The following SUSD4 variants were observed in gnomAD, a reference collection of about 807,000 sequenced individuals.
The protein encoded by SUSD4 is sushi domain containing 4.
Under a neutral mutation model 50.5 loss-of-function variants are expected in SUSD4, and 41 were observed. The observed-to-expected ratio is 0.81, with a 90% CI of 0.63 to 1.05. The LOEUF is 1.05. SUSD4 is among the 50% of genes least tolerant of loss of function. The pLI, the probability that SUSD4 is intolerant of heterozygous loss-of-function variation, is 0.00. For missense variants in SUSD4, 580 were observed against 634.7 expected (o/e 0.91, Z 0.93); for synonymous variants, 257 against 257.3 (o/e 1.00, Z 0.01).
rs1043722659 is a variant in SUSD4, at chr1:223,364,052, C to T, written c.-36+5G>A. On this transcript the variant is annotated splice_donor_5th_base_variant and intron_variant, in intron 1 of 8. Coordinates refer to ENST00000366878, the MANE Select transcript of SUSD4 (RefSeq NM_017982.4). This position sits in a 1 kb window ranked among gnomAD's most constrained non-coding sequence, Gnocchi z 4.5. ...GGAAGACCCTTCCGGGACTGTCGGTCTTACCTGTGGGTCTCATGCATGCAG... is the reference window on the plus strand; with the variant it reads ...GGAAGACCCTTCCGGGACTGTCGGTTTTACCTGTGGGTCTCATGCATGCAG... The T allele has an allele frequency of 3.3e-5, 5 of 152,522 alleles. No individual in the cohort carries two copies. The highest frequency in any genetic ancestry group is 2.0e-4 in the Admixed American group (3 of 15,266). 9.4% of individuals were successfully genotyped at this position (152,522 alleles called of 1,614,324 possible). A position where few individuals can be genotyped will look rare whatever the true frequency, so the allele number is the denominator to read the frequency against.
chr1:223,292,065 T>C (rs1401661562), intron 3 of SUSD4, among the ~76,000 whole-genome samples: 4 of 152,204 alleles, frequency 2.6e-5, no homozygotes, highest in Non-Finnish European at 5.9e-5. Context: ...ACATCTTCTG[T>C]AGGACTAAAT....
chr1:223,227,012 T>C lies in SUSD4; in HGVS notation c.1061+582A>G, dbSNP rs757281848. Among the ~76,000 whole-genome samples the C allele has an allele frequency of 1.3e-5, 2 of 152,160 alleles. No homozygotes were observed. The highest frequency in any genetic ancestry group is 2.4e-5 in the African/African-American group (1 of 41,434). ...GGCTGAAGATACCAACCCGAGCTGATTGGTGCAGCTCAGAAGGATGTAGAA... is the reference window on the plus strand; with the variant it reads ...GGCTGAAGATACCAACCCGAGCTGACTGGTGCAGCTCAGAAGGATGTAGAA... On this transcript the variant is annotated intron_variant, in intron 7 of 8. Transcript: ENST00000366878. This position sits in a 1 kb window ranked among gnomAD's most constrained non-coding sequence, Gnocchi z 4.5.
intron 5 of SUSD4, chr1:223,263,871 A>G: frequency 1.0e-6 from 1 of 985,368 alleles, no homozygotes; most frequent in Non-Finnish European, 1.2e-6. Context: ...TCCTGACTTG[A>G]GGTTTCTTCA....
intron 2 of SUSD4, among the ~76,000 whole-genome samples, chr1:223,294,220 C>T (rs79759115): frequency 0.014 from 2,124 of 152,238 alleles, 43 homozygotes; most frequent in African/African-American, 0.048. Flanking sequence ...GCCCATCCAT[C>T]CCCACCCCCA....
intron 5 of SUSD4, among the ~76,000 whole-genome samples, chr1:223,251,269 C>T (rs1334916528): frequency 6.6e-6 from 1 of 152,164 alleles, no homozygotes; most frequent in Non-Finnish European, 1.5e-5. Context: ...CTTCAGGAAG[C>T]TTATAATCAT....
At chr1:223,360,870 T>C (rs1324694294) in intron 2 of SUSD4, among the ~76,000 whole-genome samples, 1 of 152,194 alleles carries the variant, frequency 6.6e-6, no homozygotes, top group African/African-American at 2.4e-5. Context: ...AGATTAGATA[T>C]TGGGTGAGAC....
intron 5 of SUSD4, among the ~76,000 whole-genome samples, chr1:223,243,663 G>A (rs761923144): frequency 6.6e-6 from 1 of 152,194 alleles, no homozygotes; most frequent in Non-Finnish European, 1.5e-5. Context: ...ACCACTTCCC[G>A]CCTGTCTTTA....
At chr1:223,329,748 T>G (rs1253660918) in intron 2 of SUSD4, among the ~76,000 whole-genome samples, 1 of 151,848 alleles carries the variant, frequency 6.6e-6, no homozygotes, top group South Asian at 2.1e-4. Flanking sequence ...GAAAATGACA[T>G]AGTGAATGGA....
rs145610335 is a variant in SUSD4 at position 223,243,183 on chromosome 1, A to G, written c.725-13795T>C. 6.6e-5 allele frequency among the ~76,000 whole-genome samples: 10 copies of G among 152,216 alleles called. 1 individual carries two copies. In the East Asian group the frequency reaches 1.9e-3, roughly 29 times the overall value. On this transcript the variant is annotated intron_variant, in intron 5 of 8. Coordinates refer to ENST00000366878, the MANE Select transcript of SUSD4 (RefSeq NM_017982.4). ...TCTGTGGCCATTCCCACATGGAGAC[A>G]CCACAGGACCTTCTCAGGGAGACAG...
intron 3 of SUSD4, among the ~76,000 whole-genome samples, chr1:223,279,073 C>T (rs557365966): frequency 3.9e-5 from 6 of 152,112 alleles, no homozygotes; most frequent in Non-Finnish European, 8.8e-5. Flanking sequence ...CCCATCTGTA[C>T]GTCACCATCA....
chr1:223,362,568 G>A (rs1003123105), intron 2 of SUSD4, among the ~76,000 whole-genome samples: 1 of 152,058 alleles, frequency 6.6e-6, no homozygotes, highest in African/African-American at 2.4e-5. Context: ...TAGATTAGCC[G>A]CCCACGGAGG....
chr1:223,229,331 C>G lies in SUSD4; in HGVS notation c.782G>C (p.Cys261Ser), dbSNP rs1659739863. 1 of 1,609,914 alleles carries G rather than the reference C, an allele frequency of 6.2e-7. No homozygotes were observed. Among genetic ancestry groups the G allele is most frequent in the South Asian group, 1.1e-5 (1 of 90,958 alleles). ...CACAGTTCCGTGGTTGTAGCGCTCA[C>G]AAGGCCGCGGGTGGCAGACGAAATC... ...HGDFVCHPRPCERYNHGTVVE... is the reference protein window; with the variant it reads ...HGDFVCHPRPSERYNHGTVVE... Residue 261 changes from cysteine to serine, a missense_variant, in exon 6 of 9, where the codon TGT becomes TCT. Transcript: ENST00000366878. This position sits in a 1 kb window ranked among gnomAD's most constrained non-coding sequence, Gnocchi z 4.7.
At chr1:223,355,208 G>A (rs1198519441) in intron 2 of SUSD4, among the ~76,000 whole-genome samples, 1 of 151,908 alleles carries the variant, frequency 6.6e-6, no homozygotes, top group African/African-American at 2.4e-5. Flanking sequence ...CTGGGTAGCT[G>A]GATTACAGGT....
intron 2 of SUSD4, among the ~76,000 whole-genome samples, chr1:223,340,361 A>G (rs1383053331): frequency 1.3e-5 from 2 of 152,188 alleles, no homozygotes; most frequent in African/African-American, 4.8e-5. Context: ...TGGGCATCTG[A>G]TAGATACAAA....
At chr1:223,328,902 G>A (rs1024242522) in intron 2 of SUSD4, among the ~76,000 whole-genome samples, 3 of 152,076 alleles carry the variant, frequency 2.0e-5, no homozygotes, top group Non-Finnish European at 4.4e-5. Flanking sequence ...CTTTAATTTT[G>A]GCCTGGAGTT....
intron 2 of SUSD4, 79 bp from the exon 3 acceptor site, chr1:223,292,730 C>A (rs983510732): frequency 3.0e-5 from 44 of 1,472,732 alleles, no homozygotes; most frequent in Admixed American, 5.8e-5. Flanking sequence ...AAATGGCAGA[C>A]CCTGCATGAT....
chr1:223,250,494 AG>A (rs1661227982), intron 5 of SUSD4, among the ~76,000 whole-genome samples: 2 of 152,222 alleles, frequency 1.3e-5, no homozygotes, highest in South Asian at 4.1e-4. Context: ...TATTTGCCCA[AG>A]GTCATCTAGC....
At chr1:223,247,676 G>A (rs775459829) in intron 5 of SUSD4, among the ~76,000 whole-genome samples, 1 of 152,182 alleles carries the variant, frequency 6.6e-6, no homozygotes, top group Non-Finnish European at 1.5e-5. Context: ...CATTTGAAGA[G>A]TGTAATAATG....
intron 3 of SUSD4, among the ~76,000 whole-genome samples, chr1:223,273,701 C>A (rs567059952): frequency 6.6e-6 from 1 of 152,320 alleles, no homozygotes; most frequent in East Asian, 1.9e-4. Context: ...CGTGACTAAG[C>A]CCTGATTAAA....
Sources: gnomAD v4.1 joint callset for allele counts (sites outside exome capture counted in the v4.1 genomes callset) on GRCh38, gnomAD v4.1.1 for gene constraint, Gnocchi (gnomAD v3.1) non-coding constraint, MANE v1.5 for transcripts, NCBI Gene and HGNC (gene_info 2026-07-23, HGNC 2026-07-21) for gene names.